The following AGBL4 variants were observed in gnomAD, a reference collection of about 807,000 sequenced individuals.
AGBL4 encodes AGBL carboxypeptidase 4, also known as cytosolic carboxypeptidase 6.
Under a neutral mutation model 66.4 loss-of-function variants are expected in AGBL4, and 58 were observed. The ratio of observed to expected loss-of-function variants is 0.87; its 90% CI spans 0.71 to 1.09. The LOEUF is 1.09. AGBL4 is among the 50% of genes least tolerant of loss of function. AGBL4 has a pLI of 0.00. For missense variants in AGBL4, 579 were observed against 631.0 expected, an observed-to-expected ratio of 0.92 and a Z score of 0.88; for synonymous variants, 234 against 222.9, an observed-to-expected ratio of 1.05 and a Z score of -0.44.
intron 1 of AGBL4, among the ~76,000 whole-genome samples, chr1:49,870,723 C>T (rs1398353240): frequency 6.6e-6 from 1 of 151,466 alleles, no homozygotes; most frequent in Non-Finnish European, 1.5e-5. Context: ...AGTTGCTAAG[C>T]ACATGAAAAG....
intron 9 of AGBL4, among the ~76,000 whole-genome samples, chr1:48,631,949 A>T (rs542255629): frequency 4.2e-4 from 64 of 152,314 alleles, no homozygotes; most frequent in African/African-American, 1.5e-3. Flanking sequence ...TATCTTATAA[A>T]TACATACTTA....
rs552653301 is a variant in AGBL4, at chr1:49,556,224, T to C, written c.282+141089A>G. 8.6e-4 allele frequency among the ~76,000 whole-genome samples: 131 copies of C among 152,218 alleles called. 1 individual carries two copies. The highest frequency in any genetic ancestry group is 3.1e-3 in the African/African-American group (128 of 41,528). On this transcript the variant is annotated intron_variant, in intron 3 of 13. Coordinates refer to ENST00000371839, the MANE Select transcript of AGBL4 (RefSeq NM_032785.4). The stretch of plus-strand genomic sequence containing the variant: ...ATAAAAAATGATGAGTTCATGTCCT[T>C]TGTAGGGACATGGATGAAGCTGGAA...
chr1:48,918,865 C>T (rs1478111053), intron 5 of AGBL4, among the ~76,000 whole-genome samples: 1 of 152,204 alleles, frequency 6.6e-6, no homozygotes, highest in Non-Finnish European at 1.5e-5. Context: ...TACCTCTCTG[C>T]ATCTCTCTTG....
intron 1 of AGBL4, among the ~76,000 whole-genome samples, chr1:49,913,554 A>G (rs549604796): frequency 1.3e-5 from 2 of 152,294 alleles, no homozygotes; most frequent in Admixed American, 1.3e-4. Context: ...CAGCTCTCTC[A>G]TGCTTGAGTT....
chr1:49,004,212 A>AT (rs1661604099), intron 5 of AGBL4, among the ~76,000 whole-genome samples: 1 of 152,148 alleles, frequency 6.6e-6, no homozygotes, highest in South Asian at 2.1e-4. Context: ...AGTTTCTGGG[A>AT]TTTTTTCACT....
intron 6 of AGBL4, chr1:48,776,637 C>T (rs754818071): frequency 1.3e-5 from 19 of 1,480,600 alleles, no homozygotes; most frequent in Non-Finnish European, 1.5e-5. Context: ...CCTTGTGGAG[C>T]AACAGCGCGC....
At chr1:48,786,958 A>G (rs1272103107) in intron 6 of AGBL4, among the ~76,000 whole-genome samples, 1 of 152,214 alleles carries the variant, frequency 6.6e-6, no homozygotes, top group Non-Finnish European at 1.5e-5. Context: ...CAAACCTTTC[A>G]GGAATGCTTG....
At chr1:49,839,231 T>C (rs753487277) in intron 2 of AGBL4, among the ~76,000 whole-genome samples, 1 of 152,208 alleles carries the variant, frequency 6.6e-6, no homozygotes, top group African/African-American at 2.4e-5. Context: ...AGTAATCTTA[T>C]AAACAAATTA....
intron 3 of AGBL4, among the ~76,000 whole-genome samples, chr1:49,539,630 G>A (rs770071613): frequency 7.9e-5 from 12 of 152,132 alleles, no homozygotes; most frequent in Non-Finnish European, 1.6e-4. Flanking sequence ...AACCCTCACT[G>A]GCATAATCCT....
chr1:48,836,777 T>C (rs976551275), intron 6 of AGBL4, among the ~76,000 whole-genome samples: 4 of 151,902 alleles, frequency 2.6e-5, no homozygotes, highest in Non-Finnish European at 5.9e-5. Flanking sequence ...TAGAAATGAG[T>C]AGAATGAGCC....
chr1:49,863,533 T>C (rs1336063817), intron 1 of AGBL4, among the ~76,000 whole-genome samples: 1 of 152,166 alleles, frequency 6.6e-6, no homozygotes, highest in African/African-American at 2.4e-5. Context: ...AGAAATTTCA[T>C]CTGACAAATA....
At chr1:48,587,877 C>T (rs1426946449) in intron 10 of AGBL4, among the ~76,000 whole-genome samples, 2 of 151,652 alleles carry the variant, frequency 1.3e-5, no homozygotes, top group South Asian at 2.1e-4. Context: ...CTCCTGACCT[C>T]GTGATCCGCC....
At chr1:49,192,180 G>C (rs571873582) in intron 4 of AGBL4, among the ~76,000 whole-genome samples, 2 of 151,958 alleles carry the variant, frequency 1.3e-5, no homozygotes, top group South Asian at 4.2e-4. Flanking sequence ...TCTCATTGTG[G>C]TTTTGATTTG....
intron 4 of AGBL4, among the ~76,000 whole-genome samples, chr1:49,053,327 C>A (rs1356231228): frequency 2.0e-5 from 3 of 152,108 alleles, no homozygotes; most frequent in Non-Finnish European, 4.4e-5. Context: ...AACCAATATC[C>A]ACCTTTCAAG....
chr1:49,299,409 A>G (rs1644703538), intron 3 of AGBL4, among the ~76,000 whole-genome samples: 1 of 152,200 alleles, frequency 6.6e-6, no homozygotes, highest in Non-Finnish European at 1.5e-5. Context: ...GTATTAAATT[A>G]GCTACCTCTC....
chr1:49,533,441 A>T (rs574537725), intron 3 of AGBL4, among the ~76,000 whole-genome samples: 6 of 152,194 alleles, frequency 3.9e-5, no homozygotes, highest in Admixed American at 3.9e-4. Context: ...ATCTGCTTGC[A>T]CTTATTCTTG....
At chr1:49,500,887 A>G (rs1470732693) in intron 3 of AGBL4, among the ~76,000 whole-genome samples, 2 of 151,960 alleles carry the variant, frequency 1.3e-5, no homozygotes, top group Non-Finnish European at 2.9e-5. Context: ...TATGAATTTT[A>G]GGATTCAGTT....
chr1:49,265,855 A>G (rs1028137489), intron 3 of AGBL4, among the ~76,000 whole-genome samples: 1 of 152,184 alleles, frequency 6.6e-6, no homozygotes, highest in African/African-American at 2.4e-5. Flanking sequence ...ATATGTATAC[A>G]TATATGTGCA....
intron 2 of AGBL4, among the ~76,000 whole-genome samples, chr1:49,798,415 A>G (rs890504263): frequency 2.6e-5 from 4 of 152,158 alleles, no homozygotes; most frequent in African/African-American, 9.7e-5. Flanking sequence ...TAATTGCCAG[A>G]ATATTTCATT....
Sources: gnomAD v4.1 joint callset for allele counts (sites outside exome capture counted in the v4.1 genomes callset) on GRCh38, gnomAD v4.1.1 for gene constraint, MANE v1.5 for transcripts, NCBI Gene and HGNC (gene_info 2026-07-23, HGNC 2026-07-21) for gene names.